CNTN4: variants seen among roughly 807,000 people sequenced by gnomAD.
CNTN4 encodes the protein contactin-4.
In CNTN4, 77 loss-of-function variants were observed where a neutral mutation model predicts 122.5. The observed-to-expected ratio is 0.63, with a 90% CI of 0.52 to 0.76. The LOEUF is 0.76. Ranked by LOEUF, CNTN4 falls within the 30% of genes least tolerant of loss-of-function variation. The pLI is 0.00. For missense variants in CNTN4, 1,256 were observed against 1,259.1 expected, an observed-to-expected ratio of 1.00 and a Z score of 0.04; for synonymous variants, 512 against 447.0, an observed-to-expected ratio of 1.15 and a Z score of -1.83.
chr3:2,801,628 CA>C (rs1247922437), intron 6 of CNTN4, among the ~76,000 whole-genome samples: 1 of 151,724 alleles, frequency 6.6e-6, no homozygotes, highest in Non-Finnish European at 1.5e-5. Flanking sequence ...CTCTTCAATC[CA>C]GTATAGCATT....
intron 2 of CNTN4, among the ~76,000 whole-genome samples, chr3:2,161,899 C>T (rs1418031396): frequency 6.6e-6 from 1 of 152,168 alleles, no homozygotes; most frequent in Non-Finnish European, 1.5e-5. Flanking sequence ...CTCAATTAAT[C>T]TCTTTTAAAA....
At chr3:2,227,628 T>G (rs1338264922) in intron 2 of CNTN4, among the ~76,000 whole-genome samples, 3 of 152,104 alleles carry the variant, frequency 2.0e-5, no homozygotes, top group African/African-American at 7.2e-5. Flanking sequence ...TGGGAGTCTG[T>G]GGGTAAGTAA....
intron 4 of CNTN4, among the ~76,000 whole-genome samples, chr3:2,715,244 G>A (rs2087420916): frequency 6.6e-6 from 1 of 152,110 alleles, no homozygotes; most frequent in South Asian, 2.1e-4. Context: ...CATAATAAAA[G>A]GAAAATGAAT....
chr3:2,620,069 A>T lies in CNTN4; in HGVS notation c.55+48511A>T, dbSNP rs11129217. On this transcript the variant is annotated intron_variant, in intron 4 of 24. Transcript: ENST00000418658. Reference sequence around the variant, plus strand: ...TGGAGAGCTGTACAAACTGGAGGTAAGCCAGTCATTCATTTGATTATATTA... The same window carrying T: ...TGGAGAGCTGTACAAACTGGAGGTATGCCAGTCATTCATTTGATTATATTA... Among the ~76,000 whole-genome samples, 3 of 152,326 alleles carry T rather than the reference A, an allele frequency of 2.0e-5. No homozygotes were observed. The East Asian group carries it at 5.8e-4, about 29-fold the overall frequency.
chr3:2,760,179 T>C (rs1431666788), intron 6 of CNTN4, among the ~76,000 whole-genome samples: 1 of 152,226 alleles, frequency 6.6e-6, no homozygotes, highest in Non-Finnish European at 1.5e-5. Context: ...GTTTTAATTT[T>C]GGTAAAATCT....
At position 2,682,276 on chromosome 3, in the gene CNTN4, C is replaced by T. The variant is rs374991825; in HGVS notation, c.56-53939C>T. 1.4e-3 allele frequency among the ~76,000 whole-genome samples: 212 copies of T among 152,310 alleles called. 1 individual carries two copies. Among genetic ancestry groups the T allele is most frequent in the South Asian group, 0.012 (57 of 4,824 alleles). On this transcript the variant is annotated intron_variant, in intron 4 of 24. Transcript: ENST00000418658. The stretch of plus-strand genomic sequence containing the variant: ...TGTTGATTTTGCCCTCAAGGCGGTT[C>T]TGTCAACCTTTTCTACCTGTGGGCT...
chr3:2,504,542 A>G (rs1456055896), intron 3 of CNTN4, among the ~76,000 whole-genome samples: 1 of 152,192 alleles, frequency 6.6e-6, no homozygotes, highest in African/African-American at 2.4e-5. Context: ...GTATTTTCTA[A>G]CCATTCTTAT....
intron 6 of CNTN4, among the ~76,000 whole-genome samples, chr3:2,777,788 C>T (rs1367862525): frequency 6.6e-6 from 1 of 152,146 alleles, no homozygotes; most frequent in African/African-American, 2.4e-5. Context: ...CATGCATAAC[C>T]AAATAATTGT....
intron 4 of CNTN4, among the ~76,000 whole-genome samples, chr3:2,635,845 C>G (rs2082636130): frequency 6.6e-6 from 1 of 152,114 alleles, no homozygotes; most frequent in African/African-American, 2.4e-5. Flanking sequence ...ATCAGGTCTC[C>G]CAGATAGTTT....
intron 4 of CNTN4, among the ~76,000 whole-genome samples, chr3:2,724,652 A>G (rs1391849630): frequency 6.6e-6 from 1 of 152,174 alleles, no homozygotes; most frequent in Non-Finnish European, 1.5e-5. Context: ...AAGGCTCATG[A>G]ATATTAGTTG....
At chr3:3,009,728 C>T (rs902957049) in intron 14 of CNTN4, among the ~76,000 whole-genome samples, 4 of 152,198 alleles carry the variant, frequency 2.6e-5, no homozygotes, top group East Asian at 3.9e-4. Context: ...CCACCGCGCC[C>T]GGCCAGCATT....
chr3:2,759,713 CAA>C (rs71058642), intron 6 of CNTN4, among the ~76,000 whole-genome samples: 14 of 141,816 alleles, frequency 9.9e-5, no homozygotes, highest in Non-Finnish European at 1.1e-4. Flanking sequence ...GACTCTGTCT[CAA>C]AAAAAAAAAA....
intron 6 of CNTN4, among the ~76,000 whole-genome samples, chr3:2,811,728 G>A (rs1380919085): frequency 2.0e-5 from 3 of 152,074 alleles, no homozygotes; most frequent in South Asian, 2.1e-4. Context: ...GCAGTGGCGC[G>A]ATCTCGGCTC....
At chr3:2,143,433 A>G (rs1472448118) in intron 2 of CNTN4, among the ~76,000 whole-genome samples, 1 of 152,192 alleles carries the variant, frequency 6.6e-6, no homozygotes, top group Non-Finnish European at 1.5e-5. Flanking sequence ...TCAGATTCAT[A>G]TTCTCCTTAG....
At position 2,225,387 on chromosome 3, in the gene CNTN4, G is replaced by A. The variant is rs537899354; in HGVS notation, c.-144-113791G>A. 2.7e-3 allele frequency among the ~76,000 whole-genome samples: 409 copies of A among 151,870 alleles called. 2 individuals carry two copies. The highest frequency in any genetic ancestry group is 4.9e-3 in the Non-Finnish European group (331 of 67,934). On this transcript the variant is annotated intron_variant, in intron 2 of 24. Transcript: ENST00000418658. Reference sequence around the variant, plus strand: ...AAAGTAGCCGGGTGTGGTGGTGGGCGCCTGTAATCCCAGCTACTTGGGAGG... The same window carrying A: ...AAAGTAGCCGGGTGTGGTGGTGGGCACCTGTAATCCCAGCTACTTGGGAGG...
intron 3 of CNTN4, among the ~76,000 whole-genome samples, chr3:2,405,662 C>T (rs56085156): frequency 0.031 from 4,783 of 151,990 alleles, 111 homozygotes; most frequent in Middle Eastern, 0.058. Context: ...GCTCTTCCTT[C>T]CAGAAGAATT....
chr3:2,421,604 A>AT (rs2047620208), intron 3 of CNTN4, among the ~76,000 whole-genome samples: 2 of 152,112 alleles, frequency 1.3e-5, no homozygotes, highest in South Asian at 4.2e-4. Flanking sequence ...GTTGTAGTGG[A>AT]TAGCACCAGA....
At chr3:2,685,026 G>A (rs2085359166) in intron 4 of CNTN4, among the ~76,000 whole-genome samples, 1 of 152,152 alleles carries the variant, frequency 6.6e-6, no homozygotes, top group African/African-American at 2.4e-5. Context: ...CATTTACTTA[G>A]CGATTAGCTT....
At chr3:3,037,723 A>G (rs1699740970) in intron 18 of CNTN4, 2 of 310,844 alleles carry the variant, frequency 6.4e-6, no homozygotes, top group East Asian at 1.6e-4. Context: ...CACAGCCACC[A>G]TGGGGTAATC....
Sources: allele counts gnomAD v4.1 joint callset (sites outside exome capture counted in the v4.1 genomes callset), GRCh38; gene constraint gnomAD v4.1.1; transcripts MANE v1.5; gene names NCBI Gene and HGNC (gene_info 2026-07-23, HGNC 2026-07-21).